The following SORCS1 variants were observed in gnomAD, a reference collection of about 807,000 sequenced individuals.
SORCS1 encodes the protein VPS10 domain-containing receptor SorCS1.
Under a neutral mutation model 146.1 loss-of-function variants are expected in SORCS1, and 60 were observed. The ratio of observed to expected loss-of-function variants is 0.41; its 90% CI spans 0.33 to 0.51. The LOEUF (loss-of-function observed/expected upper bound fraction) is 0.51, where lower values mean the gene tolerates loss of function less well. Among genes scored for constraint, SORCS1 ranks in the 20% least tolerant of loss-of-function variants. SORCS1 has a pLI of 0.21. For synonymous variants in SORCS1, 637 were observed against 584.0 expected (o/e 1.09, Z -1.31); for missense variants, 1,352 against 1,487.6 (o/e 0.91, Z 1.50).
chr10:107,072,538 TATAC>T (rs1962521210), intron 1 of SORCS1, among the ~76,000 whole-genome samples: 1 of 152,110 alleles, frequency 6.6e-6, no homozygotes, highest in African/African-American at 2.4e-5. Context: ...GCTCTCTGAA[TATAC>T]ACACATACAT....
chr10:106,916,342 G>A (rs1952422598), intron 2 of SORCS1, among the ~76,000 whole-genome samples: 2 of 151,588 alleles, frequency 1.3e-5, no homozygotes, highest in South Asian at 2.1e-4. Context: ...TTGATTGATG[G>A]CAATACATTT....
rs187845469 is a variant in SORCS1, at chr10:106,843,870, C to T, written c.627-14197G>A. On this transcript the variant is annotated intron_variant, in intron 2 of 25. Coordinates refer to ENST00000263054, the MANE Select transcript of SORCS1 (RefSeq NM_052918.5). Reference sequence around the variant, plus strand: ...AATAATGTTGCAATGAACACAGAAGCACCAGCTATCTCAAGATAGTGATTT... The same window carrying T: ...AATAATGTTGCAATGAACACAGAAGTACCAGCTATCTCAAGATAGTGATTT... Among the ~76,000 whole-genome samples, 470 of 152,310 alleles carry T rather than the reference C, an allele frequency of 3.1e-3. 7 individuals are homozygous for T. The highest frequency in any genetic ancestry group is 0.026 in the Admixed American group (403 of 15,300).
intron 2 of SORCS1, among the ~76,000 whole-genome samples, chr10:106,840,791 G>T (rs1489085632): frequency 1.3e-5 from 2 of 149,816 alleles, no homozygotes; most frequent in Non-Finnish European, 3.0e-5. Context: ...CCAGCAAAAA[G>T]ATTATAATTC....
chr10:107,073,955 C>T (rs953575620), intron 1 of SORCS1, among the ~76,000 whole-genome samples: 3 of 152,002 alleles, frequency 2.0e-5, no homozygotes, highest in Admixed American at 6.5e-5. Context: ...ATATTCCGTG[C>T]TCCCACACTT....
intron 1 of SORCS1, among the ~76,000 whole-genome samples, chr10:107,004,486 G>C (rs756241663): frequency 6.6e-6 from 1 of 152,032 alleles, no homozygotes; most frequent in Non-Finnish European, 1.5e-5. Context: ...GTTGTGCAGG[G>C]GAACTCCCAT....
At chr10:107,020,673 T>G (rs934281222) in intron 1 of SORCS1, among the ~76,000 whole-genome samples, 1 of 152,152 alleles carries the variant, frequency 6.6e-6, no homozygotes, top group Non-Finnish European at 1.5e-5. Context: ...TGTCCTGTTT[T>G]TCTTCCTGTT....
chr10:106,672,282 G>C (rs2135482817), intron 15 of SORCS1, among the ~76,000 whole-genome samples: 1 of 152,236 alleles, frequency 6.6e-6, no homozygotes, highest in East Asian at 1.9e-4. Context: ...GGAAATCAAG[G>C]GAGAGACACT....
At chr10:106,596,548 C>T (rs1449489001) in intron 24 of SORCS1, among the ~76,000 whole-genome samples, 1 of 152,146 alleles carries the variant, frequency 6.6e-6, no homozygotes, top group East Asian at 1.9e-4. Context: ...CTCACCACCA[C>T]CTTCTCAGTT....
At chr10:107,156,379 A>G (rs1425579206) in intron 1 of SORCS1, among the ~76,000 whole-genome samples, 2 of 152,240 alleles carry the variant, frequency 1.3e-5, no homozygotes, top group Non-Finnish European at 2.9e-5. Context: ...TGAGGATAAC[A>G]GTACGTAGTT....
chr10:107,124,687 A>G (rs536125914), intron 1 of SORCS1, among the ~76,000 whole-genome samples: 125 of 152,322 alleles, frequency 8.2e-4, no homozygotes, highest in African/African-American at 3.0e-3. Context: ...TCAGTGATCC[A>G]TCAACTTGAG....
chr10:106,973,800 G>A (rs1036561953), intron 1 of SORCS1, among the ~76,000 whole-genome samples: 1 of 152,190 alleles, frequency 6.6e-6, no homozygotes, highest in Non-Finnish European at 1.5e-5. Flanking sequence ...AATTTATTTA[G>A]TGTTTTACGT....
rs991538361 is a variant in SORCS1, at chr10:106,737,262, C to T, written c.960-7148G>A. ...CTCTAAAGACATCACAATGACCAGA[C>T]CTAAACCAGCCAAGAAGAAGCTTTC... is the stretch of plus-strand genomic sequence containing the variant. On this transcript the variant is annotated intron_variant, in intron 5 of 25. Transcript: ENST00000263054. Among the ~76,000 whole-genome samples, 7 of 152,238 alleles carry T rather than the reference C, an allele frequency of 4.6e-5. No individual in the cohort carries two copies. In the East Asian group the frequency reaches 1.4e-3, roughly 29 times the overall value.
At position 106,576,736 on chromosome 10, in the gene SORCS1, T is replaced by G. The variant is rs1172437669; in HGVS notation, c.*684A>C. 6.5e-6 allele frequency: 1 copy of G among 153,754 alleles called. No homozygotes were observed. Among genetic ancestry groups the G allele is most frequent in the Non-Finnish European group, 1.4e-5 (1 of 69,226 alleles). The allele number at this position is 153,754 out of a possible 1,614,324, so 9.5% of individuals were successfully genotyped here. On this transcript the variant is annotated 3_prime_UTR_variant, in exon 26 of 26. Coordinates refer to ENST00000263054, the MANE Select transcript of SORCS1 (RefSeq NM_052918.5). ...ACCAACAGAGCTACCAAAGCTAACT[T>G]AGAAGGGAAATGACAGTATGGAAAG...
Position 107,002,107 on chromosome 10 carries a change from C to T in SORCS1, c.559-45527G>A, listed in dbSNP as rs143332863. On this transcript the variant is annotated intron_variant, in intron 1 of 25. Transcript: ENST00000263054. ...TGAATTTGTATGCCAAGGACAAGAACGGCCCTGAGCAAATTAAAAATCATC... is the reference window on the plus strand; with the variant it reads ...TGAATTTGTATGCCAAGGACAAGAATGGCCCTGAGCAAATTAAAAATCATC... Among the ~76,000 whole-genome samples the T allele has an allele frequency of 5.0e-3, 760 of 152,256 alleles. 2 individuals are homozygous for T. Among genetic ancestry groups the T allele is most frequent in the South Asian group, 8.3e-3 (40 of 4,826 alleles).
chr10:106,722,501 C>T (rs11193023), intron 6 of SORCS1, among the ~76,000 whole-genome samples: 3,533 of 152,192 alleles, frequency 0.023, 117 homozygotes, highest in African/African-American at 0.072. Flanking sequence ...TGTTAAAATG[C>T]TAGTTTGAGG....
chr10:106,605,318 C>G (rs918828588), intron 23 of SORCS1, among the ~76,000 whole-genome samples: 4 of 152,134 alleles, frequency 2.6e-5, no homozygotes, highest in African/African-American at 9.7e-5. Flanking sequence ...AGAATGGACC[C>G]CTCTTCTTTC....
At chr10:106,806,787 T>C (rs756321390) in intron 3 of SORCS1, among the ~76,000 whole-genome samples, 1 of 152,050 alleles carries the variant, frequency 6.6e-6, no homozygotes, top group Non-Finnish European at 1.5e-5. Context: ...AGTGCTGGGA[T>C]TACAGGCGTG....
chr10:106,705,957 C>T (rs1357357235), intron 8 of SORCS1, among the ~76,000 whole-genome samples: 2 of 152,158 alleles, frequency 1.3e-5, no homozygotes, highest in Non-Finnish European at 2.9e-5. Context: ...AGCTGACTGG[C>T]TGAGAAAGCA....
At chr10:106,599,354 T>A (rs1214549442) in intron 23 of SORCS1, among the ~76,000 whole-genome samples, 13 of 133,786 alleles carry the variant, frequency 9.7e-5, no homozygotes, top group Non-Finnish European at 2.0e-4. Flanking sequence ...AGAGACAGAG[T>A]AAAACTCTAA....
Sources: gnomAD v4.1 joint callset for allele counts (sites outside exome capture counted in the v4.1 genomes callset) on GRCh38, gnomAD v4.1.1 for gene constraint, MANE v1.5 for transcripts, NCBI Gene and HGNC (gene_info 2026-07-23, HGNC 2026-07-21) for gene names.